Variants in C12orf50 observed in about 807,000 individuals in gnomAD.
C12orf50 encodes the protein zinc finger CCCH-type containing 11D, also known as uncharacterized protein C12orf50.
A neutral mutation model predicts 61.6 loss-of-function variants in C12orf50; 35 were observed. That is an observed-to-expected ratio of 0.57 (90% confidence interval 0.43 to 0.75). C12orf50 has a LOEUF of 0.75. Among genes scored for constraint, C12orf50 ranks in the 30% least tolerant of loss-of-function variants. The probability of loss-of-function intolerance (pLI) is 0.00; values close to 1 mark genes in which losing one functional copy is unlikely to be tolerated. For missense variants in C12orf50, 475 were observed against 488.5 expected, an observed-to-expected ratio of 0.97 and a Z score of 0.26; for synonymous variants, 178 against 161.5, an observed-to-expected ratio of 1.10 and a Z score of -0.77.
chr12:87,987,926 G>A lies in C12orf50; in HGVS notation c.741C>T (p.Thr247=), dbSNP rs183031532. 35 of 1,611,168 alleles carry A rather than the reference G, an allele frequency of 2.2e-5. No homozygotes were observed. The East Asian group carries it at 6.0e-4, about 28-fold the overall frequency. The change falls in exon 9 of 13, where the codon ACC becomes ACT. Residue 247 remains threonine, a synonymous_variant. Transcript: ENST00000298699. ...ATACATGCGTTGTAGGTACTAGTCG[G>A]GTAGTTAGGGAATGCTTTGGATGAG... ...DSPHPKHSLT[T]RLVPTTHVLN...
chr12:88,025,730 C>T (rs1168158896), intron 3 of C12orf50, among the ~76,000 whole-genome samples: 2 of 152,168 alleles, frequency 1.3e-5, no homozygotes, highest in Admixed American at 1.3e-4. Flanking sequence ...CAGAGCGAGA[C>T]TCCGTCTCAA....
chr12:87,989,394 G>A (rs1307069663), intron 7 of C12orf50, 23 bp from the exon 8 acceptor site: 1 of 1,537,100 alleles, frequency 6.5e-7, no homozygotes, highest in Non-Finnish European at 9.0e-7. Context: ...CTTACTGTCA[G>A]TGGCAACAAT....
At chr12:87,990,980 G>A (rs899770766) in intron 7 of C12orf50, among the ~76,000 whole-genome samples, 2 of 152,092 alleles carry the variant, frequency 1.3e-5, no homozygotes, top group South Asian at 2.1e-4. Flanking sequence ...GGTAAAATTT[G>A]GCATTCGAGC....
intron 11 of C12orf50, chr12:87,983,753 G>C (rs1212143618): frequency 1.4e-5 from 2 of 147,176 alleles, no homozygotes; most frequent in African/African-American, 4.9e-5. Flanking sequence ...GTATTCCATG[G>C]TGTATATGTG....
chr12:88,028,028 C>G (rs1488916560), intron 1 of C12orf50: 3 of 152,216 alleles, frequency 2.0e-5, no homozygotes, highest in Non-Finnish European at 4.4e-5. Flanking sequence ...AACTCATACT[C>G]TCTGTGCTTC....
intron 3 of C12orf50, among the ~76,000 whole-genome samples, chr12:88,012,452 G>T (rs1321024469): frequency 1.3e-5 from 2 of 152,088 alleles, no homozygotes; most frequent in Non-Finnish European, 2.9e-5. Context: ...CAGGAATTGG[G>T]CACTGTTCTT....
intron 3 of C12orf50, among the ~76,000 whole-genome samples, chr12:88,016,158 A>G (rs1200245703): frequency 6.6e-6 from 1 of 152,108 alleles, no homozygotes. Context: ...CAGGTTGCAC[A>G]TTTAAATATC....
intron 1 of C12orf50, among the ~76,000 whole-genome samples, chr12:88,028,289 T>C (rs929527430): frequency 6.6e-6 from 1 of 152,198 alleles, no homozygotes; most frequent in Non-Finnish European, 1.5e-5. Flanking sequence ...TAACAGGTAA[T>C]AGAAGTGAAT....
intron 3 of C12orf50, among the ~76,000 whole-genome samples, chr12:88,009,211 G>A (rs2032005493): frequency 1.3e-5 from 2 of 151,980 alleles, no homozygotes; most frequent in Non-Finnish European, 2.9e-5. Flanking sequence ...ATTTTAACTG[G>A]ACAAGATAAT....
chr12:88,023,959 A>G (rs183069690), intron 3 of C12orf50, among the ~76,000 whole-genome samples: 1 of 152,314 alleles, frequency 6.6e-6, no homozygotes, highest in African/African-American at 2.4e-5. Flanking sequence ...AACTTCATTA[A>G]AAAGTGGGAA....
chr12:88,000,626 T>G (rs1592662758), intron 3 of C12orf50, among the ~76,000 whole-genome samples: 2 of 152,032 alleles, frequency 1.3e-5, no homozygotes, highest in East Asian at 3.8e-4. Context: ...TGTGGATCAA[T>G]TTGGAGAATA....
In C12orf50 at chr12:87,987,864, T is replaced by C; in HGVS notation, c.803A>G (p.Glu268Gly). The change falls in exon 9 of 13, where the codon GAG becomes GGG. Residue 268 changes from glutamate (E) to glycine (G), a missense_variant. Physicochemically the swap from Glu to Gly is moderately conservative, Grantham distance 98 (BLOSUM62 -2). Coordinates refer to ENST00000298699, the MANE Select transcript of C12orf50 (RefSeq NM_152589.3). ...ATENISMKCR[E>G]DPSSMNDVQP... ...TAATGTCTCACTTGAAGAGGGGTCCTCTCTGCACTTCATACTGATATTCTC... is the reference window on the plus strand; with the variant it reads ...TAATGTCTCACTTGAAGAGGGGTCCCCTCTGCACTTCATACTGATATTCTC... The C allele has an allele frequency of 6.2e-7, 1 of 1,602,408 alleles. No homozygotes were observed. Among genetic ancestry groups the C allele is most frequent in the Non-Finnish European group, 8.5e-7 (1 of 1,170,864 alleles).
Position 87,986,029 on chromosome 12 carries a change from T to A in C12orf50, c.947A>T (p.Asn316Ile). 1.2e-6 allele frequency: 2 copies of A among 1,613,832 alleles called. No individual in the cohort carries two copies. The highest frequency in any genetic ancestry group is 1.7e-6 in the Non-Finnish European group (2 of 1,179,826). ...ATTATTGCGGTGATAACTCATTTTA[T>A]TTTGGGGTCTTGGGGCCTGTACTGC... The part of the protein sequence containing the change: ...QRAVQAPRPQ[N>I]KMSYHRNNKN... The change falls in exon 11 of 13, where the codon AAT (asparagine) becomes ATT (isoleucine). Residue 316 changes from asparagine to isoleucine, a missense_variant. Asn to Ile is a moderately radical substitution (Grantham distance 149). Transcript: ENST00000298699.
intron 6 of C12orf50, among the ~76,000 whole-genome samples, chr12:87,995,201 A>T (rs1592656135): frequency 1.3e-5 from 2 of 152,282 alleles, no homozygotes; most frequent in Non-Finnish European, 2.9e-5. Context: ...CTTCTAAAAT[A>T]AACTATTAAA....
chr12:87,983,310 A>G, intron 11 of C12orf50, 115 bp from the exon 12 acceptor site: 2 of 559,554 alleles, frequency 3.6e-6, no homozygotes, highest in Non-Finnish European at 5.9e-6. Context: ...AATTCATTTT[A>G]CCATTTCAAA....
chr12:88,020,840 C>T (rs1237107832), intron 3 of C12orf50, among the ~76,000 whole-genome samples: 1 of 151,958 alleles, frequency 6.6e-6, no homozygotes, highest in Non-Finnish European at 1.5e-5. Context: ...CAACCATGCC[C>T]TCAGGCCACA....
In C12orf50 at chr12:88,022,347, G is replaced by A. The variant is rs550811477; in HGVS notation, c.133+4141C>T. Among the ~76,000 whole-genome samples, 18 of 151,932 alleles carry A rather than the reference G, an allele frequency of 1.2e-4. No homozygotes were observed. In the East Asian group the frequency reaches 1.5e-3, roughly 13 times the overall value. On this transcript the variant is annotated intron_variant, in intron 3 of 12. Transcript: ENST00000298699. ...TCAATAAGCTAGGAATTGAAGAAACGTACTTCAAAATAATAAGACCCATCT... is the reference window on the plus strand; with the variant it reads ...TCAATAAGCTAGGAATTGAAGAAACATACTTCAAAATAATAAGACCCATCT...
At chr12:87,992,782 C>T (rs758332888) in intron 7 of C12orf50, among the ~76,000 whole-genome samples, 8 of 152,044 alleles carry the variant, frequency 5.3e-5, no homozygotes, top group Non-Finnish European at 1.2e-4. Context: ...AAAATTTTAA[C>T]AAGCTATTCA....
chr12:88,013,591 A>T (rs1363737461), intron 3 of C12orf50, among the ~76,000 whole-genome samples: 1 of 152,264 alleles, frequency 6.6e-6, no homozygotes, highest in Non-Finnish European at 1.5e-5. Context: ...TGGTTCCAAA[A>T]AAACAAAAAT....
Sources: allele counts gnomAD v4.1 joint callset (sites outside exome capture counted in the v4.1 genomes callset), GRCh38; gene constraint gnomAD v4.1.1; transcripts MANE v1.5; gene names NCBI Gene and HGNC (gene_info 2026-07-23, HGNC 2026-07-21).